The following SLC28A3 variants were observed in gnomAD, a reference collection of about 807,000 sequenced individuals.
SLC28A3 encodes the protein solute carrier family 28 member 3.
Under a neutral mutation model 84.2 loss-of-function variants are expected in SLC28A3, and 68 were observed. That is an observed-to-expected ratio of 0.81 (90% confidence interval 0.66 to 0.99). The LOEUF (loss-of-function observed/expected upper bound fraction) is 0.99, where lower values mean the gene tolerates loss of function less well. Ranked by LOEUF, SLC28A3 falls within the 50% of genes least tolerant of loss-of-function variation. The pLI, the probability that SLC28A3 is intolerant of heterozygous loss-of-function variation, is 0.00. For missense variants in SLC28A3, 712 were observed against 841.5 expected, an observed-to-expected ratio of 0.85 and a Z score of 1.90; for synonymous variants, 267 against 303.6, an observed-to-expected ratio of 0.88 and a Z score of 1.25.
chr9:84,311,910 G>A (rs1826001466), intron 2 of SLC28A3, among the ~76,000 whole-genome samples: 1 of 152,140 alleles, frequency 6.6e-6, no homozygotes, highest in African/African-American at 2.4e-5. Flanking sequence ...CTGATGCCTT[G>A]AAAGCACTAT....
At chr9:84,290,727 T>A (rs1326599381) in intron 10 of SLC28A3, among the ~76,000 whole-genome samples, 3 of 152,142 alleles carry the variant, frequency 2.0e-5, no homozygotes, top group Non-Finnish European at 4.4e-5. Flanking sequence ...GGCCTAACCT[T>A]CTGGATGGGT....
In SLC28A3 at chr9:84,290,244, A is replaced by G. The variant is rs753867337; in HGVS notation, c.1059T>C (p.Pro353=). The change falls in exon 11 of 18, where the codon CCT becomes CCC. Residue 353 remains proline (P), a synonymous_variant. Coordinates refer to ENST00000376238, the MANE Select transcript of SLC28A3 (RefSeq NM_001199633.2). ...CGTGGAGTTCAGACTTGGTGATGTA[A>G]GGTAAATATGGTCGGACCAGCAGTG... is the stretch of plus-strand genomic sequence containing the variant. The part of the protein sequence containing the change: ...ESPLLVRPYL[P]YITKSELHAI... The G allele has an allele frequency of 6.2e-7, 1 of 1,613,940 alleles. No individual in the cohort carries two copies. Among genetic ancestry groups the G allele is most frequent in the African/African-American group, 1.3e-5 (1 of 74,920 alleles).
the SLC28A3 span, among the ~76,000 whole-genome samples, chr9:84,347,951 C>A: frequency 0.055 from 8,433 of 152,108 alleles, 477 homozygotes; most frequent in East Asian, 0.17. Flanking sequence ...GTTTCTAGGG[C>A]GCACAAGTTT....
chr9:84,300,447 GC>G (rs1301922537), intron 5 of SLC28A3, among the ~76,000 whole-genome samples: 2 of 152,212 alleles, frequency 1.3e-5, no homozygotes, highest in African/African-American at 4.8e-5. Flanking sequence ...CTCACCAGCG[GC>G]CGAGAGGGAG....
intron 10 of SLC28A3, 136 bp from the exon 11 acceptor site, chr9:84,290,415 G>C: frequency 9.4e-7 from 1 of 1,068,570 alleles, no homozygotes; most frequent in Non-Finnish European, 1.3e-6. Context: ...CTCCATCAGC[G>C]TCACCTGGAA....
the SLC28A3 span, among the ~76,000 whole-genome samples, chr9:84,360,694 G>A: frequency 2.0e-5 from 3 of 151,698 alleles, no homozygotes; most frequent in Admixed American, 2.0e-4. Flanking sequence ...GAGGCAGGAG[G>A]ATTGCTTGAA....
the SLC28A3 span, among the ~76,000 whole-genome samples, chr9:84,345,879 A>T: frequency 8.1e-3 from 1,232 of 152,322 alleles, 18 homozygotes; most frequent in African/African-American, 0.028. Flanking sequence ...TTATGGGGCT[A>T]TCACTTAAAG....
intron 14 of SLC28A3, among the ~76,000 whole-genome samples, chr9:84,281,823 C>T (rs892953297): frequency 1.2e-3 from 180 of 152,274 alleles, no homozygotes; most frequent in Admixed American, 1.4e-3. Flanking sequence ...GCTAAGTGAG[C>T]ACATGTATAT....
chr9:84,322,048 T>TCAA (rs988453771), intron 1 of SLC28A3, among the ~76,000 whole-genome samples: 9 of 152,194 alleles, frequency 5.9e-5, no homozygotes, highest in African/African-American at 1.9e-4. Flanking sequence ...AGACTCCGTC[T>TCAA]CAACAACAAC....
the SLC28A3 span, among the ~76,000 whole-genome samples, chr9:84,353,944 A>C: frequency 6.6e-6 from 1 of 152,182 alleles, no homozygotes; most frequent in African/African-American, 2.4e-5. Flanking sequence ...TCAAAATATA[A>C]ATTCTAATTA....
intron 1 of SLC28A3, among the ~76,000 whole-genome samples, chr9:84,326,588 C>T (rs1826557964): frequency 6.6e-6 from 1 of 151,982 alleles, no homozygotes; most frequent in African/African-American, 2.4e-5. Flanking sequence ...TCATTCCTGA[C>T]ATGACATCCT....
intron 1 of SLC28A3, among the ~76,000 whole-genome samples, chr9:84,317,305 A>G (rs541318055): frequency 2.6e-5 from 4 of 152,206 alleles, no homozygotes; most frequent in Non-Finnish European, 5.9e-5. Flanking sequence ...TCCAGATATT[A>G]AAAGACAAAG....
At chr9:84,320,331 A>G (rs1199255713) in intron 1 of SLC28A3, among the ~76,000 whole-genome samples, 1 of 151,964 alleles carries the variant, frequency 6.6e-6, no homozygotes, top group African/African-American at 2.4e-5. Flanking sequence ...CTGGGATTAC[A>G]AGCGTGAGCC....
Position 84,290,280 on chromosome 9 carries a change from C to G in SLC28A3, c.1024-1G>C. The G allele has an allele frequency of 6.2e-7, 1 of 1,613,780 alleles. No individual in the cohort carries two copies. The highest frequency in any genetic ancestry group is 8.5e-7 in the Non-Finnish European group (1 of 1,179,818). On this transcript the variant is annotated splice_acceptor_variant, in intron 10 of 17. Transcript: ENST00000376238. LOFTEE classifies it high-confidence loss of function. Reference sequence around the variant, plus strand: ...GTCGGACCAGCAGTGGAGACTCCGTCTGGAGACAAAGAAGGGTGACCAGAT... The same window carrying G: ...GTCGGACCAGCAGTGGAGACTCCGTGTGGAGACAAAGAAGGGTGACCAGAT...
intron 1 of SLC28A3, among the ~76,000 whole-genome samples, chr9:84,321,454 C>T (rs1408331114): frequency 2.0e-5 from 3 of 151,944 alleles, no homozygotes; most frequent in Admixed American, 6.6e-5. Flanking sequence ...ACATTATAGG[C>T]GGGGCGCAGT....
intron 2 of SLC28A3, among the ~76,000 whole-genome samples, chr9:84,311,034 A>C (rs1469715048): frequency 6.6e-6 from 1 of 152,134 alleles, no homozygotes; most frequent in African/African-American, 2.4e-5. Context: ...CAATCATGGG[A>C]CATCTGCACC....
In SLC28A3 at chr9:84,276,473, C is replaced by G. The variant is rs1011714351; in HGVS notation, c.*1745G>C. The G allele has an allele frequency of 2.6e-5, 4 of 151,884 alleles. No homozygotes were observed. The highest frequency in any genetic ancestry group is 9.7e-5 in the African/African-American group (4 of 41,332). The allele number at this position is 151,884 out of a possible 1,614,324, so 9.4% of individuals were successfully genotyped here. Reference sequence around the variant, plus strand: ...TCCAGAGTAGGAAAAAGAGAACCCCCAAACCAAAACCTGTAAACAAAGTAA... The same window carrying G: ...TCCAGAGTAGGAAAAAGAGAACCCCGAAACCAAAACCTGTAAACAAAGTAA... On this transcript the variant is annotated 3_prime_UTR_variant, in exon 18 of 18. Coordinates refer to ENST00000376238, the MANE Select transcript of SLC28A3 (RefSeq NM_001199633.2).
At chr9:84,346,331 T>C in the SLC28A3 span, among the ~76,000 whole-genome samples, 1 of 152,252 alleles carries the variant, frequency 6.6e-6, no homozygotes, top group East Asian at 1.9e-4. Context: ...GGCAATAGAT[T>C]GTTTTTCCTG....
At position 84,338,626 on chromosome 9, in the gene SLC28A3, C is replaced by A. The variant is rs34441017; in HGVS notation, c.60+1948G>T. Among the ~76,000 whole-genome samples the A allele has an allele frequency of 3.5e-3, 538 of 152,282 alleles. 3 individuals carry two copies. Among genetic ancestry groups the A allele is most frequent in the African/African-American group, 0.012 (511 of 41,566 alleles). ...CTAGAAGACAGTGAGGGATCACCAC[C>A]GTTGTGTGCCCTCCTCCCTGGGAGC... On this transcript the variant is annotated intron_variant, in intron 1 of 17. Coordinates refer to ENST00000376238, the MANE Select transcript of SLC28A3 (RefSeq NM_001199633.2).
Sources: gnomAD v4.1 joint callset for allele counts (sites outside exome capture counted in the v4.1 genomes callset) on GRCh38, gnomAD v4.1.1 for gene constraint, MANE v1.5 for transcripts, NCBI Gene and HGNC (gene_info 2026-07-23, HGNC 2026-07-21) for gene names.